The following FYN variants were observed in gnomAD, a reference collection of about 807,000 sequenced individuals.
The protein encoded by FYN is tyrosine-protein kinase Fyn.
Under a neutral mutation model 70.2 loss-of-function variants are expected in FYN, and 10 were observed. The observed-to-expected ratio is 0.14, with a 90% confidence interval of 0.09 to 0.24. The LOEUF is 0.24. Ranked by LOEUF, FYN falls within the 10% of genes least tolerant of loss-of-function variation. FYN has a pLI of 1.00. For missense variants in FYN, 319 were observed against 673.1 expected (o/e 0.47, Z 5.82); for synonymous variants, 236 against 248.6 (o/e 0.95, Z 0.48).
chr6:111,857,782 A>C (rs1773861543), intron 1 of FYN, among the ~76,000 whole-genome samples: 1 of 152,104 alleles, frequency 6.6e-6, no homozygotes, highest in Non-Finnish European at 1.5e-5. Flanking sequence ...AGTCAAATTA[A>C]ATTCACTTCA....
intron 13 of FYN, among the ~76,000 whole-genome samples, chr6:111,664,390 C>T (rs906605092): frequency 6.6e-6 from 1 of 152,148 alleles, no homozygotes; most frequent in African/African-American, 2.4e-5. Flanking sequence ...TTTAATTAAT[C>T]ACTCTCCTAT....
At chr6:111,744,794 GA>G (rs1248635897) in intron 3 of FYN, among the ~76,000 whole-genome samples, 1 of 151,980 alleles carries the variant, frequency 6.6e-6, no homozygotes, top group African/African-American at 2.4e-5. Context: ...TCCTAGTGAG[GA>G]AAAAACCCCC....
chr6:111,832,059 C>A (rs947259392), intron 2 of FYN, among the ~76,000 whole-genome samples: 1 of 152,178 alleles, frequency 6.6e-6, no homozygotes, highest in East Asian at 1.9e-4. Flanking sequence ...TTATGAAGTG[C>A]TGCTTGTTGA....
At chr6:111,845,248 C>T (rs1044659885) in intron 2 of FYN, among the ~76,000 whole-genome samples, 5 of 152,266 alleles carry the variant, frequency 3.3e-5, no homozygotes, top group African/African-American at 7.2e-5. Context: ...CACCCATAGG[C>T]TCTTGCCTGC....
chr6:111,813,832 C>T (rs148179035), intron 2 of FYN: 1 of 152,276 alleles, frequency 6.6e-6, no homozygotes, highest in East Asian at 1.9e-4. Flanking sequence ...AGAGTGTCCT[C>T]AAAGAGATGT....
intron 2 of FYN, among the ~76,000 whole-genome samples, chr6:111,814,530 G>C (rs559497690): frequency 6.6e-6 from 1 of 151,978 alleles, no homozygotes; most frequent in Non-Finnish European, 1.5e-5. Context: ...AAATAATGAA[G>C]AATCTGAAAT....
chr6:111,749,503 C>T (rs1802392233), intron 3 of FYN, among the ~76,000 whole-genome samples: 1 of 152,128 alleles, frequency 6.6e-6, no homozygotes, highest in Admixed American at 6.6e-5. Flanking sequence ...CCAACAAAAG[C>T]TTATTAAAAC....
intron 12 of FYN, among the ~76,000 whole-genome samples, chr6:111,691,594 T>C (rs1164582219): frequency 3.9e-5 from 6 of 152,138 alleles, no homozygotes; most frequent in African/African-American, 9.7e-5. Context: ...CACCAGGCCC[T>C]TTCTGCCTCG....
At chr6:111,847,628 T>A (rs1773568685) in intron 1 of FYN, among the ~76,000 whole-genome samples, 1 of 152,066 alleles carries the variant, frequency 6.6e-6, no homozygotes, top group Admixed American at 6.5e-5. Flanking sequence ...AACACCCCCA[T>A]GATAAGTTAT....
intron 12 of FYN, among the ~76,000 whole-genome samples, chr6:111,689,940 A>G (rs1297539746): frequency 6.6e-6 from 1 of 152,196 alleles, no homozygotes; most frequent in African/African-American, 2.4e-5. Flanking sequence ...ATAAAGAACA[A>G]AAAGGTATCC....
At chr6:111,671,815 C>G (rs941077792) in intron 13 of FYN, among the ~76,000 whole-genome samples, 4 of 152,148 alleles carry the variant, frequency 2.6e-5, no homozygotes, top group African/African-American at 9.7e-5. Context: ...CCTCTTGTTC[C>G]TTAGGAATTA....
chr6:111,713,355 C>G (rs1800475738), intron 5 of FYN, among the ~76,000 whole-genome samples: 1 of 152,146 alleles, frequency 6.6e-6, no homozygotes, highest in South Asian at 2.1e-4. Flanking sequence ...AGCTGAGGAG[C>G]CTGGCTCCAA....
chr6:111,720,154 A>C, intron 3 of FYN, 92 bp from the exon 4 acceptor site: 6 of 1,436,858 alleles, frequency 4.2e-6, no homozygotes, highest in Non-Finnish European at 4.7e-6. Flanking sequence ...GACAAGGCTC[A>C]CTGTTGGCTA....
intron 2 of FYN, among the ~76,000 whole-genome samples, chr6:111,815,882 T>C (rs1772474561): frequency 6.6e-6 from 1 of 152,048 alleles, no homozygotes; most frequent in South Asian, 2.1e-4. Context: ...GTAGTTTTTG[T>C]AGAGACGGGG....
At chr6:111,750,030 G>A (rs1802413505) in intron 3 of FYN, among the ~76,000 whole-genome samples, 1 of 152,120 alleles carries the variant, frequency 6.6e-6, no homozygotes. Context: ...TCTGATCCAA[G>A]AGTGACAGCA....
At chr6:111,867,535 T>C (rs1281663011) in intron 1 of FYN, among the ~76,000 whole-genome samples, 2 of 150,132 alleles carry the variant, frequency 1.3e-5, no homozygotes, top group Non-Finnish European at 3.0e-5. Context: ...GCCTATGAGC[T>C]ACTACACCTG....
intron 1 of FYN, among the ~76,000 whole-genome samples, chr6:111,850,187 T>C (rs147144282): frequency 2.1e-4 from 32 of 152,356 alleles, no homozygotes; most frequent in East Asian, 1.2e-3. Flanking sequence ...TTAAGAGCCA[T>C]GATGAATCCA....
intron 12 of FYN, among the ~76,000 whole-genome samples, chr6:111,675,666 G>A (rs1798499080): frequency 1.3e-5 from 2 of 151,940 alleles, no homozygotes; most frequent in African/African-American, 2.4e-5. Flanking sequence ...GGTGGCACGA[G>A]CCTGTAGTCC....
chr6:111,694,226 C>T lies in FYN; in HGVS notation c.1273+149G>A. On this transcript the variant is annotated intron_variant, in intron 12 of 13. Coordinates refer to ENST00000354650, the MANE Select transcript of FYN (RefSeq NM_002037.5). The surrounding 1 kb of genome is among the most constrained non-coding windows in gnomAD (Gnocchi z 5.0). ...CTCCCACCTGCAGAGCTGTCAAATT[C>T]CTGCCAGATCAAGGTGTCCAAACCA... is the stretch of plus-strand genomic sequence containing the variant. 1 of 973,178 alleles carries T rather than the reference C, an allele frequency of 1.0e-6. No individual in the cohort carries two copies. Among genetic ancestry groups the T allele is most frequent in the Non-Finnish European group, 1.5e-6 (1 of 656,788 alleles). The allele number at this position is 973,178 out of a possible 1,614,324, so 60.3% of individuals were successfully genotyped here.
Sources: gnomAD v4.1 joint callset for allele counts (sites outside exome capture counted in the v4.1 genomes callset) on GRCh38, gnomAD v4.1.1 for gene constraint, Gnocchi (gnomAD v3.1) non-coding constraint, MANE v1.5 for transcripts, NCBI Gene and HGNC (gene_info 2026-07-23, HGNC 2026-07-21) for gene names.